CDH22: variants seen among roughly 807,000 people sequenced by gnomAD.
The protein encoded by CDH22 is cadherin 22.
In CDH22, 30 loss-of-function variants were observed where a neutral mutation model predicts 58.4. The observed-to-expected ratio is 0.51, with a 90% confidence interval of 0.38 to 0.70. CDH22 has a LOEUF of 0.70. CDH22 is among the 30% of genes least tolerant of loss of function. CDH22 has a pLI of 0.00. For synonymous variants in CDH22, 513 were observed against 558.2 expected, an observed-to-expected ratio of 0.92 and a Z score of 1.14; for missense variants, 1,014 against 1,233.9, an observed-to-expected ratio of 0.82 and a Z score of 2.67.
chr20:46,232,055 C>A (rs1454543905), intron 3 of CDH22, among the ~76,000 whole-genome samples: 1 of 152,212 alleles, frequency 6.6e-6, no homozygotes, highest in African/African-American at 2.4e-5. Flanking sequence ...TGGACACCAG[C>A]ATCAGGAGGG....
At chr20:46,303,074 T>C (rs1276050646) in intron 1 of CDH22, among the ~76,000 whole-genome samples, 1 of 152,174 alleles carries the variant, frequency 6.6e-6, no homozygotes, top group African/African-American at 2.4e-5. Context: ...GGCTCCCCGC[T>C]GCTCTCGGGA....
chr20:46,199,564 G>T lies in CDH22; in HGVS notation c.1287-5C>A. On this transcript the variant is annotated splice_region_variant and splice_polypyrimidine_tract_variant and intron_variant, in intron 7 of 11. Transcript: ENST00000537909. ...GATTCGCGGTCAATGGCGTACCTGC[G>T]GGGGGCAGGGCAGGGCTGATTGAAG... 5 of 1,612,858 alleles carry T rather than the reference G, an allele frequency of 3.1e-6. No homozygotes were observed. In the South Asian group the frequency reaches 3.3e-5, roughly 11 times the overall value.
chr20:46,233,017 GAGAC>G (rs2086230046), intron 3 of CDH22, among the ~76,000 whole-genome samples: 1 of 152,216 alleles, frequency 6.6e-6, no homozygotes, highest in Non-Finnish European at 1.5e-5. Flanking sequence ...TCGTGGGGCA[GAGAC>G]AGACAGAAAG....
At position 46,242,289 on chromosome 20, in the gene CDH22, A is replaced by G. The variant is rs2086296002; in HGVS notation, c.256-1032T>C. ...TCAGGCCACTGGAAGAGCTGGTCTG[A>G]CTCCACACTGGGCTTTCCCATTCCA... On this transcript the variant is annotated intron_variant, in intron 2 of 11. Transcript: ENST00000537909. Among the ~76,000 whole-genome samples the G allele has an allele frequency of 3.9e-5, 6 of 151,948 alleles. No individual in the cohort carries two copies. The South Asian group carries it at 1.0e-3, about 26-fold the overall frequency.
At chr20:46,178,944 G>A (rs979659111) in intron 10 of CDH22, among the ~76,000 whole-genome samples, 4 of 152,148 alleles carry the variant, frequency 2.6e-5, no homozygotes, top group East Asian at 1.9e-4. Flanking sequence ...TCACATAGGC[G>A]GCCAGAGAGG....
chr20:46,174,829 G>T lies in CDH22; in HGVS notation c.2164C>A (p.Pro722Thr). 1 of 1,427,238 alleles carries T rather than the reference G, an allele frequency of 7.0e-7. No individual in the cohort carries two copies. The highest frequency in any genetic ancestry group is 9.2e-7 in the Non-Finnish European group (1 of 1,092,100). The allele number at this position is 1,427,238 out of a possible 1,614,324, so 88.4% of individuals were successfully genotyped here. The change falls in exon 12 of 12, where the codon CCG becomes ACG. Residue 722 changes from proline (P) to threonine (T), a missense_variant. Coordinates refer to ENST00000537909, the MANE Select transcript of CDH22 (RefSeq NM_021248.3). The surrounding 1 kb of genome is among the most constrained non-coding windows in gnomAD (Gnocchi z 4.4). ...GGSGGGAGSP[P>T]QAHLPSERHS... The stretch of plus-strand genomic sequence containing the variant: ...CGCTCGGAGGGCAGGTGGGCCTGCG[G>T]GGGGCTGCCCGCGCCCCCGCCCGAG...
chr20:46,241,926 C>T lies in CDH22; in HGVS notation c.256-669G>A, dbSNP rs2086292761. ...CAGACTTTGCATTTCTAACAAACTT[C>T]CAGGCTGCTGGTCCATGACCTCACT... is the stretch of plus-strand genomic sequence containing the variant. On this transcript the variant is annotated intron_variant, in intron 2 of 11. Transcript: ENST00000537909. This position sits in a 1 kb window ranked among gnomAD's most constrained non-coding sequence, Gnocchi z 5.2. 1.3e-5 allele frequency among the ~76,000 whole-genome samples: 2 copies of T among 152,144 alleles called. No homozygotes were observed. The highest frequency in any genetic ancestry group is 2.9e-5 in the Non-Finnish European group (2 of 68,026).
At chr20:46,219,973 T>C (rs116107348) in intron 4 of CDH22, 2,057 of 151,958 alleles carry the variant, frequency 0.014, 29 homozygotes, top group Admixed American at 0.031. Flanking sequence ...AAAGAGAGAA[T>C]GGAAGGCAGA....
chr20:46,180,525 G>A (rs1568649279), intron 10 of CDH22, among the ~76,000 whole-genome samples: 1 of 152,196 alleles, frequency 6.6e-6, no homozygotes, highest in Non-Finnish European at 1.5e-5. Flanking sequence ...AGAGGGAATG[G>A]CATGGGACCC....
At chr20:46,233,573 C>G (rs113647283) in intron 3 of CDH22, among the ~76,000 whole-genome samples, 2 of 152,224 alleles carry the variant, frequency 1.3e-5, no homozygotes, top group Admixed American at 1.3e-4. Context: ...GCTAGACCCT[C>G]GAGGGCAGGA....
intron 11 of CDH22, among the ~76,000 whole-genome samples, chr20:46,176,648 G>A (rs1480449095): frequency 6.6e-6 from 1 of 152,240 alleles, no homozygotes; most frequent in African/African-American, 2.4e-5. Flanking sequence ...GAGGGCCATG[G>A]GGCAGGGCAC....
At position 46,213,095 on chromosome 20, in the gene CDH22, T is replaced by C; in HGVS notation, c.932A>G (p.Asp311Gly). The C allele has an allele frequency of 6.2e-7, 1 of 1,614,186 alleles. No homozygotes were observed. Reference sequence around the variant, plus strand: ...CTCGTCCTTAAGGTGGTAAGTCATGTCTGTGTTCTCTCCCACGTCTGAGTC... The same window carrying C: ...CTCGTCCTTAAGGTGGTAAGTCATGCCTGTGTTCTCTCCCACGTCTGAGTC... ...AEDSDVGENTDMTYHLKDESS... is the reference protein window; with the variant it reads ...AEDSDVGENTGMTYHLKDESS... Residue 311 changes from aspartate (D) to glycine (G), a missense_variant, in exon 6 of 12, where the codon GAC (aspartate) becomes GGC (glycine). Asp to Gly is a moderately conservative substitution (Grantham distance 94). Coordinates refer to ENST00000537909, the MANE Select transcript of CDH22 (RefSeq NM_021248.3).
chr20:46,243,483 C>G (rs554549728), intron 2 of CDH22, among the ~76,000 whole-genome samples: 43 of 152,302 alleles, frequency 2.8e-4, no homozygotes, highest in African/African-American at 7.0e-4. Context: ...CACTGAGAAG[C>G]CTTCTTCCTG....
chr20:46,239,831 T>C (rs2086277812), intron 3 of CDH22, among the ~76,000 whole-genome samples: 2 of 152,194 alleles, frequency 1.3e-5, no homozygotes. Context: ...AAGTGGGGCC[T>C]TGATGGTCAG....
chr20:46,260,695 G>A (rs2086429071), intron 1 of CDH22, among the ~76,000 whole-genome samples: 1 of 152,318 alleles, frequency 6.6e-6, no homozygotes, highest in East Asian at 1.9e-4. Flanking sequence ...GAGTCTGGCT[G>A]GATGGCCAGC....
chr20:46,279,126 TG>T (rs1364776999), intron 1 of CDH22, among the ~76,000 whole-genome samples: 1 of 152,216 alleles, frequency 6.6e-6, no homozygotes, highest in African/African-American at 2.4e-5. Context: ...GAGAGAATCT[TG>T]GCTCCCACGT....
rs560525146 is a variant in CDH22, at chr20:46,230,004, A to T, written c.551-2377T>A. On this transcript the variant is annotated intron_variant, in intron 3 of 11. Transcript: ENST00000537909. ...CAGGATTCTTTATTGCAGCCATTAT[A>T]GTTAATGCCGACATGTGGGAATGGT... 4.2e-3 allele frequency among the ~76,000 whole-genome samples: 639 copies of T among 152,224 alleles called. 4 individuals carry two copies. The highest frequency in any genetic ancestry group is 0.014 in the African/African-American group (592 of 41,522).
chr20:46,181,628 C>G (rs1052041006), intron 10 of CDH22, among the ~76,000 whole-genome samples: 12 of 144,822 alleles, frequency 8.3e-5, no homozygotes, highest in Admixed American at 1.4e-4. Context: ...TCCCTCCCTC[C>G]CTTCCTTCCT....
In CDH22 at chr20:46,270,626, A is replaced by C. The variant is rs565100557; in HGVS notation, c.-399-18933T>G. 2.2e-4 allele frequency among the ~76,000 whole-genome samples: 33 copies of C among 152,236 alleles called. No homozygotes were observed. In the South Asian group the frequency reaches 2.9e-3, roughly 13 times the overall value. On this transcript the variant is annotated intron_variant, in intron 1 of 11. Transcript: ENST00000537909. ...GAATCCTTTCTCCAGGAGGCACTGCAGGTGTTGAAGGAAATGGAGTTCCCA... is the reference window on the plus strand; with the variant it reads ...GAATCCTTTCTCCAGGAGGCACTGCCGGTGTTGAAGGAAATGGAGTTCCCA...
Sources: gnomAD v4.1 joint callset for allele counts (sites outside exome capture counted in the v4.1 genomes callset) on GRCh38, gnomAD v4.1.1 for gene constraint, Gnocchi (gnomAD v3.1) non-coding constraint, MANE v1.5 for transcripts, NCBI Gene and HGNC (gene_info 2026-07-23, HGNC 2026-07-21) for gene names.